The following EPHA6 variants were observed in gnomAD, a reference collection of about 807,000 sequenced individuals.
EPHA6 encodes ephrin type-A receptor 6.
A neutral mutation model predicts 112.0 loss-of-function variants in EPHA6; 50 were observed. That is an observed-to-expected ratio of 0.45 (90% CI 0.36 to 0.56). EPHA6 has a LOEUF of 0.56. EPHA6 is among the 20% of genes least tolerant of loss of function. The probability of loss-of-function intolerance (pLI) is 0.00; values close to 1 mark genes in which losing one functional copy is unlikely to be tolerated. For synonymous variants in EPHA6, 529 were observed against 490.7 expected (o/e 1.08, Z -1.03); for missense variants, 1,280 against 1,417.4 (o/e 0.90, Z 1.56).
chr3:97,478,095 T>C (rs2091429319), intron 8 of EPHA6, among the ~76,000 whole-genome samples: 1 of 149,898 alleles, frequency 6.7e-6, no homozygotes, highest in Non-Finnish European at 1.5e-5. Flanking sequence ...TTAACATCAG[T>C]ATTACATTAT....
intron 2 of EPHA6, among the ~76,000 whole-genome samples, chr3:96,916,098 C>A (rs1395902538): frequency 6.6e-6 from 1 of 151,846 alleles, no homozygotes; most frequent in African/African-American, 2.4e-5. Flanking sequence ...TATTTAAGTC[C>A]TAAATAAAGA....
intron 5 of EPHA6, among the ~76,000 whole-genome samples, chr3:97,328,489 T>C (rs2082596715): frequency 1.3e-5 from 2 of 152,078 alleles, no homozygotes; most frequent in African/African-American, 4.8e-5. Flanking sequence ...ACCATCTGTA[T>C]GCATCTTCAG....
chr3:97,168,361 C>T (rs777938977), intron 3 of EPHA6, among the ~76,000 whole-genome samples: 80 of 152,120 alleles, frequency 5.3e-4, no homozygotes, highest in South Asian at 8.3e-4. Flanking sequence ...GGAGGTGGGG[C>T]CTGGTGGGAG....
At chr3:97,647,515 T>G (rs2094074499) in intron 14 of EPHA6, among the ~76,000 whole-genome samples, 1 of 152,062 alleles carries the variant, frequency 6.6e-6, no homozygotes, top group Non-Finnish European at 1.5e-5. Context: ...AAAAATAGGA[T>G]TTAGATGAGA....
chr3:97,136,295 TAAATGAGAGATGTAATTTTA>T (rs2075766724), intron 3 of EPHA6, among the ~76,000 whole-genome samples: 1 of 152,110 alleles, frequency 6.6e-6, no homozygotes, highest in African/African-American at 2.4e-5. Flanking sequence ...TCTGAAGAAC[TAAATGAGAGATGTAATTTTA>T]AAAAGCATGG....
chr3:97,190,649 A>T (rs987327039), intron 3 of EPHA6, among the ~76,000 whole-genome samples: 1 of 152,050 alleles, frequency 6.6e-6, no homozygotes, highest in Non-Finnish European at 1.5e-5. Flanking sequence ...CAATGTTTTG[A>T]TATATGTATA....
intron 3 of EPHA6, among the ~76,000 whole-genome samples, chr3:97,032,539 A>C (rs1211975615): frequency 6.6e-6 from 1 of 151,948 alleles, no homozygotes; most frequent in Non-Finnish European, 1.5e-5. Flanking sequence ...AACTGTGGCC[A>C]GATCCACACA....
At chr3:97,310,875 G>A (rs1349518197) in intron 5 of EPHA6, among the ~76,000 whole-genome samples, 1 of 151,616 alleles carries the variant, frequency 6.6e-6, no homozygotes, top group East Asian at 1.9e-4. Context: ...CATTTGTATG[G>A]TACAATGAAG....
chr3:97,551,163 G>A (rs1403939754), intron 11 of EPHA6, among the ~76,000 whole-genome samples: 2 of 152,112 alleles, frequency 1.3e-5, no homozygotes, highest in African/African-American at 4.8e-5. Context: ...ACATAGACCA[G>A]AATCAACTTG....
At chr3:97,195,123 C>G (rs2077405735) in intron 3 of EPHA6, among the ~76,000 whole-genome samples, 1 of 151,870 alleles carries the variant, frequency 6.6e-6, no homozygotes, top group South Asian at 2.1e-4. Context: ...TATTTGTTTA[C>G]AGCTTGTTTT....
At chr3:97,174,056 G>A (rs1194725744) in intron 3 of EPHA6, among the ~76,000 whole-genome samples, 3 of 150,224 alleles carry the variant, frequency 2.0e-5, no homozygotes, top group African/African-American at 7.4e-5. Context: ...CCCAGCCTCT[G>A]ATAACTATCT....
chr3:97,468,318 G>A (rs924672566), intron 7 of EPHA6, among the ~76,000 whole-genome samples: 7 of 151,390 alleles, frequency 4.6e-5, no homozygotes, highest in Non-Finnish European at 1.0e-4. Flanking sequence ...TGGGTAGATA[G>A]CATCAAATAT....
intron 6 of EPHA6, among the ~76,000 whole-genome samples, chr3:97,410,183 C>T (rs910314387): frequency 6.6e-6 from 1 of 152,060 alleles, no homozygotes; most frequent in South Asian, 2.1e-4. Context: ...TTTTTTCTTC[C>T]TCCGTAATCC....
intron 1 of EPHA6, among the ~76,000 whole-genome samples, chr3:96,855,487 T>C (rs2035638665): frequency 6.6e-6 from 1 of 152,068 alleles, no homozygotes; most frequent in East Asian, 1.9e-4. Flanking sequence ...TAACAGTTAC[T>C]GAAACAGAGA....
At chr3:97,208,247 A>G (rs1454284420) in intron 3 of EPHA6, among the ~76,000 whole-genome samples, 3 of 152,176 alleles carry the variant, frequency 2.0e-5, no homozygotes, top group Admixed American at 6.5e-5. Context: ...GTTTTCTTCA[A>G]TTCAATATTT....
intron 3 of EPHA6, among the ~76,000 whole-genome samples, chr3:97,012,894 T>A (rs907914865): frequency 2.0e-4 from 30 of 152,186 alleles, no homozygotes; most frequent in Admixed American, 1.4e-3. Context: ...ACTTGTCTTT[T>A]GAGAAGTATC....
At chr3:97,023,283 G>T (rs2044524869) in intron 3 of EPHA6, among the ~76,000 whole-genome samples, 1 of 152,126 alleles carries the variant, frequency 6.6e-6, no homozygotes, top group Non-Finnish European at 1.5e-5. Context: ...GTTTCACTGA[G>T]TTAGCCAGGA....
intron 14 of EPHA6, among the ~76,000 whole-genome samples, chr3:97,706,808 C>T (rs1457831209): frequency 6.6e-6 from 1 of 151,060 alleles, no homozygotes; most frequent in Non-Finnish European, 1.5e-5. Context: ...TTTTTGCTGC[C>T]AATTGAATCT....
Position 97,155,446 on chromosome 3 carries a change from C to T in EPHA6, c.1115-70818C>T, listed in dbSNP as rs538464334. ...GACAAATAATGAATATTGCTAAATA[C>T]AAAAATATGGTAATTCTGTGTATTA... On this transcript the variant is annotated intron_variant, in intron 3 of 17. Coordinates refer to ENST00000389672, the MANE Select transcript of EPHA6 (RefSeq NM_001080448.3). Among the ~76,000 whole-genome samples the T allele has an allele frequency of 2.0e-5, 3 of 152,230 alleles. No individual in the cohort carries two copies. The East Asian group carries it at 5.8e-4, about 29-fold the overall frequency.
Sources: gnomAD v4.1 joint callset for allele counts (sites outside exome capture counted in the v4.1 genomes callset) on GRCh38, gnomAD v4.1.1 for gene constraint, MANE v1.5 for transcripts, NCBI Gene and HGNC (gene_info 2026-07-23, HGNC 2026-07-21) for gene names.